AKAP19: variants seen among roughly 807,000 people sequenced by gnomAD.
AKAP19 encodes small A-kinase anchoring protein.
At chr2:189,938,774 A>C in the AKAP19 span, among the ~76,000 whole-genome samples, 1 of 152,246 alleles carries the variant, frequency 6.6e-6, no homozygotes, top group Non-Finnish European at 1.5e-5. Flanking sequence ...CCCATCTTCC[A>C]TGATGTAATT....
At chr2:189,930,758 C>T in the AKAP19 span, 1 of 712,408 alleles carries the variant, frequency 1.4e-6, no homozygotes, top group South Asian at 1.6e-5. Flanking sequence ...ATCTGTTTTA[C>T]TGATCCATCT....
chr2:190,162,858 A>G, the AKAP19 span, among the ~76,000 whole-genome samples: 2 of 152,154 alleles, frequency 1.3e-5, no homozygotes, highest in Admixed American at 1.3e-4. Context: ...AATGAAGGTA[A>G]ATTTAAAGCT....
At chr2:190,102,579 A>G in the AKAP19 span, among the ~76,000 whole-genome samples, 1 of 152,168 alleles carries the variant, frequency 6.6e-6, no homozygotes, top group Non-Finnish European at 1.5e-5. Context: ...AAACTAGAAG[A>G]TCTAGAGGAA....
the AKAP19 span, among the ~76,000 whole-genome samples, chr2:190,030,694 G>C: frequency 1.3e-5 from 2 of 152,172 alleles, no homozygotes; most frequent in Non-Finnish European, 2.9e-5. Context: ...TATTAACTCA[G>C]CTTTAACATC....
the AKAP19 span, chr2:189,924,175 G>A: frequency 1.3e-6 from 2 of 1,521,922 alleles, no homozygotes; most frequent in East Asian, 2.3e-5. Flanking sequence ...TGAGGAAGGA[G>A]AGGATGACAG....
At chr2:190,048,530 A>G in the AKAP19 span, among the ~76,000 whole-genome samples, 3 of 152,198 alleles carry the variant, frequency 2.0e-5, no homozygotes, top group Non-Finnish European at 4.4e-5. Context: ...TTTGCCTTTA[A>G]AAACCTGCTA....
chr2:190,079,153 C>G, the AKAP19 span: 17 of 152,156 alleles, frequency 1.1e-4, no homozygotes, highest in Admixed American at 6.5e-4. Flanking sequence ...GAATTTTCAA[C>G]TTAACATGTC....
the AKAP19 span, among the ~76,000 whole-genome samples, chr2:189,941,064 A>G: frequency 6.6e-6 from 1 of 152,234 alleles, no homozygotes; most frequent in Admixed American, 6.5e-5. Context: ...AGACTTCTCA[A>G]TAGAAATCAG....
the AKAP19 span, among the ~76,000 whole-genome samples, chr2:189,890,080 C>G: frequency 6.6e-6 from 1 of 152,172 alleles, no homozygotes; most frequent in African/African-American, 2.4e-5. Context: ...AAATTTCCCT[C>G]TAAACACTGC....
the AKAP19 span, among the ~76,000 whole-genome samples, chr2:189,894,684 A>G: frequency 1.3e-5 from 2 of 151,028 alleles, no homozygotes; most frequent in African/African-American, 4.8e-5. Context: ...CTACATTATT[A>G]TATAGTATTA....
the AKAP19 span, among the ~76,000 whole-genome samples, chr2:190,121,126 T>TTC: frequency 6.6e-6 from 1 of 151,634 alleles, no homozygotes; most frequent in Non-Finnish European, 1.5e-5. Context: ...TTTTTTTTTT[T>TTC]TTTTCTTGAC....
the AKAP19 span, among the ~76,000 whole-genome samples, chr2:190,019,770 CCTCT>C: frequency 6.6e-6 from 1 of 152,070 alleles, no homozygotes; most frequent in Non-Finnish European, 1.5e-5. Flanking sequence ...CCAGGATTAT[CCTCT>C]CTGTTTGGTG....
At chr2:189,958,087 C>A in the AKAP19 span, among the ~76,000 whole-genome samples, 7 of 152,112 alleles carry the variant, frequency 4.6e-5, no homozygotes, top group African/African-American at 1.7e-4. Flanking sequence ...AGCCATTGCG[C>A]CAAGATATTT....
chr2:190,147,747 T>G, the AKAP19 span, among the ~76,000 whole-genome samples: 12,888 of 151,602 alleles, frequency 0.085, 524 homozygotes, highest in Middle Eastern at 0.14. Flanking sequence ...AGGTTTTTTT[T>G]TTGTTGTTGT....
chr2:190,117,687 C>A, the AKAP19 span, among the ~76,000 whole-genome samples: 2 of 152,196 alleles, frequency 1.3e-5, no homozygotes, highest in Non-Finnish European at 2.9e-5. Flanking sequence ...TTAAATAATT[C>A]TTTTAGATAG....
the AKAP19 span, among the ~76,000 whole-genome samples, chr2:190,042,953 G>A: frequency 3.3e-5 from 5 of 152,170 alleles, no homozygotes; most frequent in African/African-American, 4.8e-5. Context: ...CACTTAAGAA[G>A]TTTAGTTTGG....
chr2:190,158,473 T>G, the AKAP19 span, among the ~76,000 whole-genome samples: 1 of 152,222 alleles, frequency 6.6e-6, no homozygotes, highest in Non-Finnish European at 1.5e-5. Flanking sequence ...ACCTATTGAA[T>G]AGGAAATGGT....
chr2:190,152,587 T>G, the AKAP19 span, among the ~76,000 whole-genome samples: 1 of 152,254 alleles, frequency 6.6e-6, no homozygotes, highest in Non-Finnish European at 1.5e-5. Flanking sequence ...TGCTTTTATT[T>G]ATCAGAATTT....
chr2:190,088,648 T>C, the AKAP19 span, among the ~76,000 whole-genome samples: 3 of 152,200 alleles, frequency 2.0e-5, no homozygotes, highest in Admixed American at 6.5e-5. Flanking sequence ...TTAATATCAA[T>C]TAGAAATTCT....
Sources: allele counts gnomAD v4.1 joint callset (sites outside exome capture counted in the v4.1 genomes callset), GRCh38; gene constraint gnomAD v4.1.1; transcripts MANE v1.5; gene names NCBI Gene and HGNC (gene_info 2026-07-23, HGNC 2026-07-21).